The following RPAP2 variants were observed in gnomAD, a reference collection of about 807,000 sequenced individuals.
RPAP2 encodes the protein RNA polymerase II associated protein 2, also known as putative RNA polymerase II subunit B1 CTD phosphatase RPAP2.
RPAP2 carries 52 observed loss-of-function variants against 73.1 expected under a neutral mutation model. The ratio of observed to expected loss-of-function variants is 0.71; its 90% CI spans 0.57 to 0.90. The LOEUF (loss-of-function observed/expected upper bound fraction) is 0.90, where lower values mean the gene tolerates loss of function less well. RPAP2 is among the 40% of genes least tolerant of loss of function. The pLI, the probability that RPAP2 is intolerant of heterozygous loss-of-function variation, is 0.00. For missense variants in RPAP2, 598 were observed against 701.8 expected (o/e 0.85, Z 1.67); for synonymous variants, 225 against 242.1 (o/e 0.93, Z 0.65).
At chr1:92,360,274 CTG>C (rs1654671012) in intron 11 of RPAP2, among the ~76,000 whole-genome samples, 1 of 152,176 alleles carries the variant, frequency 6.6e-6, no homozygotes, top group Non-Finnish European at 1.5e-5. Context: ...GGACTAAGGA[CTG>C]TGGTCCTGGC....
chr1:92,381,588 C>CTTTTTTTTTTTTT (rs4000737), intron 12 of RPAP2, among the ~76,000 whole-genome samples: 1 of 139,362 alleles, frequency 7.2e-6, no homozygotes, highest in Non-Finnish European at 1.5e-5. Context: ...GGGAGATTTT[C>CTTTTTTTTTTTTT]TTTTTTTTTT....
intron 5 of RPAP2, 24 bp from the exon 6 acceptor site, chr1:92,307,164 C>T: frequency 6.6e-7 from 1 of 1,526,412 alleles, no homozygotes; most frequent in African/African-American, 1.4e-5. Context: ...AAGAAAAAAA[C>T]TAGATTTATA....
chr1:92,323,977 A>C lies in RPAP2; in HGVS notation c.1057A>C (p.Ser353Arg). The C allele has an allele frequency of 6.2e-7, 1 of 1,614,180 alleles. No homozygotes were observed. The highest frequency in any genetic ancestry group is 8.5e-7 in the Non-Finnish European group (1 of 1,179,998). ...KSNQVSRSVS[S>R]SVQVCPEVGK... The stretch of plus-strand genomic sequence containing the variant: ...AAACCAAGTGTCTAGGTCAGTGTCT[A>C]GTTCAGTGCAGGTGTGTCCTGAAGT... The change falls in exon 8 of 13, where the codon AGT becomes CGT. Residue 353 changes from serine (S) to arginine (R), a missense_variant. Ser to Arg is a moderately radical substitution (Grantham distance 110, BLOSUM62 -1). Transcript: ENST00000610020.
At chr1:92,376,351 G>T (rs1655387069) in intron 11 of RPAP2, among the ~76,000 whole-genome samples, 1 of 152,016 alleles carries the variant, frequency 6.6e-6, no homozygotes, top group African/African-American at 2.4e-5. Flanking sequence ...TGGTGGGGGA[G>T]GAGTCTTTTC....
chr1:92,321,785 C>T lies in RPAP2; in HGVS notation c.524+1151C>T, dbSNP rs139802841. Reference sequence around the variant, plus strand: ...GATTTGCTAACTTGTTCTGCTATGACTTTCCTGTGATTTTCATTCTGTAGA... The same window carrying T: ...GATTTGCTAACTTGTTCTGCTATGATTTTCCTGTGATTTTCATTCTGTAGA... On this transcript the variant is annotated intron_variant, in intron 7 of 12. Transcript: ENST00000610020. Among the ~76,000 whole-genome samples, 262 of 152,130 alleles carry T rather than the reference C, an allele frequency of 1.7e-3. 2 individuals are homozygous for T. Among genetic ancestry groups the T allele is most frequent in the African/African-American group, 5.6e-3 (233 of 41,532 alleles).
chr1:92,345,041 GT>G (rs1168782066), intron 10 of RPAP2, among the ~76,000 whole-genome samples: 1 of 151,804 alleles, frequency 6.6e-6, no homozygotes, highest in East Asian at 1.9e-4. Flanking sequence ...ATTTACTTCT[GT>G]TTTTTTAAAA....
intron 11 of RPAP2, among the ~76,000 whole-genome samples, chr1:92,378,287 C>T (rs1184156931): frequency 1.3e-5 from 2 of 152,130 alleles, no homozygotes; most frequent in Non-Finnish European, 2.9e-5. Flanking sequence ...TCACTGCAAC[C>T]TCCGCCTCCT....
At position 92,323,906 on chromosome 1, in the gene RPAP2, T is replaced by A; in HGVS notation, c.986T>A (p.Ile329Lys). The part of the protein sequence containing the change: ...YSRSEITLVG[I>K]SKKSAEHFKR... ...AGGTCAGAAATAACTCTAGTAGGCA[T>A]AAGTAAGAAAAGTGCAGAGCATTTT... The change falls in exon 8 of 13, where the codon ATA (isoleucine) becomes AAA (lysine). Residue 329 changes from isoleucine (I) to lysine (K), a missense_variant. Coordinates refer to ENST00000610020, the MANE Select transcript of RPAP2 (RefSeq NM_024813.3). 6.2e-7 allele frequency: 1 copy of A among 1,614,130 alleles called. No individual in the cohort carries two copies. Among genetic ancestry groups the A allele is most frequent in the Non-Finnish European group, 8.5e-7 (1 of 1,179,994 alleles).
intron 10 of RPAP2, among the ~76,000 whole-genome samples, chr1:92,338,496 A>G (rs1160312655): frequency 2.0e-5 from 3 of 152,232 alleles, no homozygotes; most frequent in Non-Finnish European, 4.4e-5. Context: ...ACAACTGTCT[A>G]CACTGATGAT....
chr1:92,357,238 G>T (rs1157635363), intron 11 of RPAP2, among the ~76,000 whole-genome samples: 3 of 152,200 alleles, frequency 2.0e-5, no homozygotes, highest in Non-Finnish European at 1.5e-5. Context: ...GGAGGTTGAG[G>T]AAAGGGAGAA....
intron 5 of RPAP2, among the ~76,000 whole-genome samples, chr1:92,306,540 T>G (rs1400453628): frequency 1.3e-5 from 2 of 152,210 alleles, no homozygotes; most frequent in Non-Finnish European, 2.9e-5. Flanking sequence ...CTACAACTAC[T>G]TGAATGAATC....
intron 6 of RPAP2, among the ~76,000 whole-genome samples, chr1:92,313,443 C>CTTTT (rs35793049): frequency 6.9e-6 from 1 of 145,042 alleles, no homozygotes; most frequent in Non-Finnish European, 1.5e-5. Context: ...GGAAAGGAAT[C>CTTTT]TTTTTTTTTT....
At chr1:92,310,346 T>C (rs897162407) in intron 6 of RPAP2, among the ~76,000 whole-genome samples, 4 of 152,208 alleles carry the variant, frequency 2.6e-5, no homozygotes, top group Admixed American at 2.0e-4. Flanking sequence ...TCTAGAATTT[T>C]GTATTTTTAA....
In RPAP2 at chr1:92,300,391, C is replaced by A; in HGVS notation, c.119+152C>A. ...ATCTGGGAAGGCCTATAAATTCTCACATAGACTGTTACATTCCTCTACTCC... is the reference window on the plus strand; with the variant it reads ...ATCTGGGAAGGCCTATAAATTCTCAAATAGACTGTTACATTCCTCTACTCC... On this transcript the variant is annotated intron_variant, in intron 2 of 12. Transcript: ENST00000610020. 3 of 642,438 alleles carry A rather than the reference C, an allele frequency of 4.7e-6. No homozygotes were observed. The South Asian group carries it at 6.0e-5, about 13-fold the overall frequency. The allele number at this position is 642,438 out of a possible 1,614,324, so 39.8% of individuals were successfully genotyped here.
rs192123691 is a variant in RPAP2 at position 92,381,770 on chromosome 1, T to A, written c.1838+897T>A. 3.6e-3 allele frequency among the ~76,000 whole-genome samples: 540 copies of A among 151,988 alleles called. 3 individuals are homozygous for A. Among genetic ancestry groups the A allele is most frequent in the Middle Eastern group, 0.02 (6 of 294 alleles). Reference sequence around the variant, plus strand: ...CTGTCATTTATTTTATTATTTTTTTTAATTTTATTATTATTATACTTTAAG... The same window carrying A: ...CTGTCATTTATTTTATTATTTTTTTAAATTTTATTATTATTATACTTTAAG... On this transcript the variant is annotated intron_variant, in intron 12 of 12. Transcript: ENST00000610020.
At chr1:92,380,623 C>A in intron 11 of RPAP2, 101 bp from the exon 12 acceptor site, 2 of 753,694 alleles carry the variant, frequency 2.7e-6, no homozygotes, top group Non-Finnish European at 4.0e-6. Flanking sequence ...ATCAAAGAGA[C>A]TTTATTATTC....
chr1:92,353,033 T>C (rs1654292653), intron 11 of RPAP2, among the ~76,000 whole-genome samples: 1 of 152,254 alleles, frequency 6.6e-6, no homozygotes, highest in South Asian at 2.1e-4. Context: ...ACTTCATTCC[T>C]TTTTATGGCC....
rs1650578447 is a variant in RPAP2, at chr1:92,299,135, G to GA, written c.66dup (p.Ala23SerfsTer5). The GA allele has an allele frequency of 6.6e-7, 1 of 1,517,912 alleles. No individual in the cohort carries two copies. The highest frequency in any genetic ancestry group is 8.9e-7 in the Non-Finnish European group (1 of 1,129,168). The allele number at this position is 1,517,912 out of a possible 1,614,324, so 94.0% of individuals were successfully genotyped here. A position where few individuals can be genotyped will look rare whatever the true frequency, so the allele number is the denominator to read the frequency against. ...AAGGCCGGGGCTCCCCGCTGCTCTC[G>GA]AAAAGCCGCAGGTAGGAGCAAGGAT... On this transcript the variant is annotated frameshift_variant, in exon 1 of 13. Transcript: ENST00000610020. LOFTEE classifies it high-confidence loss of function.
intron 6 of RPAP2, among the ~76,000 whole-genome samples, chr1:92,317,383 C>A (rs1651978448): frequency 6.6e-6 from 1 of 151,906 alleles, no homozygotes; most frequent in Non-Finnish European, 1.5e-5. Context: ...TGGCGGGTGC[C>A]TGTAATCCCA....
Sources: allele counts gnomAD v4.1 joint callset (sites outside exome capture counted in the v4.1 genomes callset), GRCh38; gene constraint gnomAD v4.1.1; transcripts MANE v1.5; gene names NCBI Gene and HGNC (gene_info 2026-07-23, HGNC 2026-07-21).